TYW1: variants seen among roughly 807,000 people sequenced by gnomAD.
The protein encoded by TYW1 is S-adenosyl-L-methionine-dependent tRNA 4-demethylwyosine synthase TYW1.
In TYW1, 46 loss-of-function variants were observed where a neutral mutation model predicts 96.2. The ratio of observed to expected loss-of-function variants is 0.48; its 90% confidence interval spans 0.38 to 0.61. The LOEUF (loss-of-function observed/expected upper bound fraction) is 0.61, where lower values mean the gene tolerates loss of function less well. Ranked by LOEUF, TYW1 falls within the 20% of genes least tolerant of loss-of-function variation. The pLI is 0.00. For synonymous variants in TYW1, 274 were observed against 323.0 expected (o/e 0.85, Z 1.63); for missense variants, 684 against 909.6 (o/e 0.75, Z 3.19).
chr7:67,175,248 C>T (rs2421410), intron 13 of TYW1, among the ~76,000 whole-genome samples: 5 of 151,636 alleles, frequency 3.3e-5, no homozygotes, highest in African/African-American at 4.8e-5. Flanking sequence ...CTCAGCTCAC[C>T]GCAACCTCCA....
chr7:66,997,130 A>G, intron 1 of TYW1, 148 bp downstream of exon 1: 2 of 1,471,002 alleles, frequency 1.4e-6, no homozygotes, highest in African/African-American at 1.4e-5. Context: ...GCTGAGAGCA[A>G]GGAGGACTGA....
intron 13 of TYW1, among the ~76,000 whole-genome samples, chr7:67,170,060 T>C (rs1182754315): frequency 6.6e-6 from 1 of 152,242 alleles, no homozygotes; most frequent in African/African-American, 2.4e-5. Context: ...ATTTACCTTA[T>C]GTTTTCTTCC....
intron 15 of TYW1, among the ~76,000 whole-genome samples, chr7:67,236,922 G>A (rs1351320406): frequency 3.9e-5 from 6 of 151,948 alleles, no homozygotes; most frequent in Admixed American, 2.0e-4. Flanking sequence ...TTTCACTCAC[G>A]TCACTGAGGC....
At chr7:67,056,652 A>G (rs1460571563) in intron 9 of TYW1, among the ~76,000 whole-genome samples, 1 of 152,174 alleles carries the variant, frequency 6.6e-6, no homozygotes, top group Non-Finnish European at 1.5e-5. Context: ...GTAGTATGCC[A>G]TTGTATGAAT....
intron 5 of TYW1, among the ~76,000 whole-genome samples, chr7:67,015,964 A>G (rs74381232): frequency 1.1e-5 from 1 of 93,566 alleles, no homozygotes; most frequent in South Asian, 3.0e-4. Flanking sequence ...CTATGTCTCA[A>G]AAAAAAAAAA....
intron 7 of TYW1, among the ~76,000 whole-genome samples, chr7:67,033,938 CCACCT>C (rs1021637342): frequency 6.6e-6 from 1 of 152,008 alleles, no homozygotes; most frequent in African/African-American, 2.4e-5. Context: ...TGTGATCTGC[CCACCT>C]CGGCCTCCCA....
At chr7:67,030,239 A>G (rs886737492) in intron 7 of TYW1, among the ~76,000 whole-genome samples, 2 of 152,148 alleles carry the variant, frequency 1.3e-5, no homozygotes, top group African/African-American at 4.8e-5. Flanking sequence ...TCCTCTAATC[A>G]CTGGTTTCTT....
At chr7:67,077,725 G>A (rs1438599694) in intron 10 of TYW1, among the ~76,000 whole-genome samples, 1 of 152,148 alleles carries the variant, frequency 6.6e-6, no homozygotes, top group African/African-American at 2.4e-5. Flanking sequence ...TTCCTTTGCA[G>A]TGCAGCAGCT....
At chr7:67,028,614 A>G (rs28595582) in intron 7 of TYW1, among the ~76,000 whole-genome samples, 37,351 of 152,168 alleles carry the variant, frequency 0.25, 5,026 homozygotes, top group African/African-American at 0.34. Flanking sequence ...ACAAAACTCC[A>G]AAGCTGGATG....
At chr7:67,002,099 G>A (rs11760465) in intron 3 of TYW1, among the ~76,000 whole-genome samples, 42,305 of 150,956 alleles carry the variant, frequency 0.28, 5,977 homozygotes, top group Middle Eastern at 0.37. Context: ...CCAAGCTGGA[G>A]TGCAGTGGCA....
intron 14 of TYW1, among the ~76,000 whole-genome samples, chr7:67,186,272 C>CCCT (rs1800017762): frequency 1.5e-5 from 1 of 68,286 alleles, no homozygotes; most frequent in African/African-American, 6.3e-5. Flanking sequence ...TCTTCCCCCC[C>CCCT]GCCCCACCTC....
intron 8 of TYW1, among the ~76,000 whole-genome samples, chr7:67,052,253 C>A (rs1424433887): frequency 6.6e-6 from 1 of 152,102 alleles, no homozygotes; most frequent in Admixed American, 6.6e-5. Flanking sequence ...TCCCCACCCA[C>A]CCACTTGCTT....
chr7:67,011,691 G>A (rs1437495306), intron 4 of TYW1, among the ~76,000 whole-genome samples: 2 of 151,984 alleles, frequency 1.3e-5, no homozygotes, highest in African/African-American at 2.4e-5. Flanking sequence ...GGCCAACACG[G>A]TGAAACCACG....
intron 9 of TYW1, among the ~76,000 whole-genome samples, chr7:67,066,223 G>A (rs967506533): frequency 6.6e-6 from 1 of 152,084 alleles, no homozygotes; most frequent in African/African-American, 2.4e-5. Flanking sequence ...TACCCTACCT[G>A]TCCCACTGAT....
intron 15 of TYW1, among the ~76,000 whole-genome samples, chr7:67,220,416 G>A (rs1801350749): frequency 6.6e-6 from 1 of 151,912 alleles, no homozygotes; most frequent in Non-Finnish European, 1.5e-5. Context: ...TGTTAGCCAG[G>A]ATAGTCTCGA....
At chr7:67,127,050 T>C (rs985196765) in intron 13 of TYW1, among the ~76,000 whole-genome samples, 1 of 152,134 alleles carries the variant, frequency 6.6e-6, no homozygotes, top group Non-Finnish European at 1.5e-5. Context: ...GTTTTTTTAG[T>C]GTTTTCCCTA....
At chr7:67,095,701 G>A (rs61144308) in intron 11 of TYW1, among the ~76,000 whole-genome samples, 44,785 of 141,952 alleles carry the variant, frequency 0.32, 7,128 homozygotes, top group African/African-American at 0.42. Flanking sequence ...AACAACAACA[G>A]CAGCAGCAGC....
intron 13 of TYW1, among the ~76,000 whole-genome samples, chr7:67,148,472 C>A (rs1041765498): frequency 3.7e-5 from 5 of 136,762 alleles, no homozygotes; most frequent in African/African-American, 1.4e-4. Flanking sequence ...GTCTCCCAGG[C>A]TGGAGTGCAG....
intron 8 of TYW1, 97 bp from the exon 9 acceptor site, chr7:67,055,738 G>GAA: frequency 1.4e-6 from 1 of 711,908 alleles, no homozygotes; most frequent in Non-Finnish European, 2.2e-6. Context: ...CAATAATTTA[G>GAA]CAAAAAAAAA....
Sources: allele counts gnomAD v4.1 joint callset (sites outside exome capture counted in the v4.1 genomes callset), GRCh38; gene constraint gnomAD v4.1.1; transcripts MANE v1.5; gene names NCBI Gene and HGNC (gene_info 2026-07-23, HGNC 2026-07-21).